HABP4: variants seen among roughly 807,000 people sequenced by gnomAD.
HABP4 encodes the protein hyaluronan binding protein 4.
HABP4 carries 32 observed loss-of-function variants against 44.1 expected under a neutral mutation model. That is an observed-to-expected ratio of 0.73 (90% CI 0.55 to 0.97). The LOEUF (loss-of-function observed/expected upper bound fraction) is 0.97. Among genes scored for constraint, HABP4 ranks in the 50% least tolerant of loss-of-function variants. The probability of loss-of-function intolerance (pLI) is 0.00; values close to 1 mark genes in which losing one functional copy is unlikely to be tolerated. For missense variants in HABP4, 503 were observed against 561.9 expected, an observed-to-expected ratio of 0.90 and a Z score of 1.06; for synonymous variants, 216 against 218.0, an observed-to-expected ratio of 0.99 and a Z score of 0.08.
chr9:96,470,851 C>T (rs1426748403), intron 4 of HABP4, among the ~76,000 whole-genome samples, 160 bp from the exon 5 acceptor site: 1 of 149,474 alleles, frequency 6.7e-6, no homozygotes, highest in African/African-American at 2.5e-5. Flanking sequence ...TCCGAGATTG[C>T]ACCACTGCAC....
intron 7 of HABP4, among the ~76,000 whole-genome samples, chr9:96,489,272 A>T (rs958882102): frequency 6.6e-6 from 1 of 152,120 alleles, no homozygotes; most frequent in East Asian, 1.9e-4. Flanking sequence ...CCTTTCCTAT[A>T]GCGGAGCTCT....
At chr9:96,486,647 T>C (rs539264535) in intron 6 of HABP4, among the ~76,000 whole-genome samples, 1 of 150,994 alleles carries the variant, frequency 6.6e-6, no homozygotes, top group Non-Finnish European at 1.5e-5. Context: ...TCTTGGAGGA[T>C]TGAAGATTTT....
At chr9:96,470,539 ATTTAAAT>A (rs1464203068) in intron 4 of HABP4, among the ~76,000 whole-genome samples, 1 of 152,168 alleles carries the variant, frequency 6.6e-6, no homozygotes, top group Non-Finnish European at 1.5e-5. Flanking sequence ...TTTAATACTT[ATTTAAAT>A]TGAAAAAGTC....
Position 96,450,352 on chromosome 9 carries a change from G to C in HABP4, c.73G>C (p.Ala25Pro). 7.9e-7 allele frequency: 1 copy of C among 1,266,594 alleles called. No homozygotes were observed. The highest frequency in any genetic ancestry group is 1.0e-6 in the Non-Finnish European group (1 of 975,322). 78.5% of individuals were successfully genotyped at this position (1,266,594 alleles called of 1,614,324 possible). Residue 25 changes from alanine (A) to proline (P), a missense_variant, in exon 1 of 8, where the codon GCC becomes CCC. Transcript: ENST00000375249. This position sits in a 1 kb window ranked among gnomAD's most constrained non-coding sequence, Gnocchi z 4.8. ...AMQESFGCVV[A>P]NRFHQLLDDE... is the part of the protein sequence containing the mutation. ...GCAGGAGAGTTTCGGCTGCGTGGTG[G>C]CCAACCGCTTCCATCAGCTGCTGGA...
chr9:96,487,816 CATA>C (rs772148889), intron 6 of HABP4, among the ~76,000 whole-genome samples: 23 of 152,224 alleles, frequency 1.5e-4, no homozygotes, highest in Non-Finnish European at 2.8e-4. Context: ...CACTTGAAAT[CATA>C]ATAAGTTCAA....
chr9:96,453,110 GAGAC>G (rs1328178214), intron 1 of HABP4, among the ~76,000 whole-genome samples: 1 of 37,710 alleles, frequency 2.7e-5, no homozygotes, highest in Non-Finnish European at 5.2e-5. Context: ...TTTTTTTTTT[GAGAC>G]AGAGTGCAGT....
chr9:96,477,571 T>C (rs899383591), intron 5 of HABP4, among the ~76,000 whole-genome samples: 1 of 152,222 alleles, frequency 6.6e-6, no homozygotes, highest in Non-Finnish European at 1.5e-5. Flanking sequence ...TTGATATCAT[T>C]AATTCCAAGA....
chr9:96,464,881 A>G (rs1242529486), intron 2 of HABP4, among the ~76,000 whole-genome samples: 3 of 152,228 alleles, frequency 2.0e-5, no homozygotes, highest in Admixed American at 1.3e-4. Context: ...TTTTTCTTAC[A>G]CAAAACATTC....
In HABP4 at chr9:96,452,911, GTTTTTTTTTTTT is replaced by G. The variant is rs71368266; in HGVS notation, c.349+2299_349+2310del. On this transcript the variant is annotated intron_variant, in intron 1 of 7. Coordinates refer to ENST00000375249, the MANE Select transcript of HABP4 (RefSeq NM_014282.4). ...TCACAAGCTTTTCCTATGGAAAAGG[GTTTTTTTTTTTT>G]TTTTTTTTTTTTTTTGAGACAGAGT... Among the ~76,000 whole-genome samples the G allele has an allele frequency of 4.7e-5, 3 of 63,184 alleles. No individual in the cohort carries two copies. The East Asian group carries it at 1.4e-3, about 29-fold the overall frequency. The allele number at this position is 63,184 out of a possible 152,430, so 41.5% of individuals were successfully genotyped here.
rs1352145361 is a variant in HABP4, at chr9:96,488,253, T to C, written c.1164T>C (p.Tyr388=). 4 of 1,613,220 alleles carry C rather than the reference T, an allele frequency of 2.5e-6. No homozygotes were observed. The highest frequency in any genetic ancestry group is 2.5e-6 in the Non-Finnish European group (3 of 1,179,590). ...GRGRIRRAEN[Y]GPRAEVVMQD... ...GAAGGATCAGGAGGGCAGAGAACTA[T>C]GGACCCAGAGCAGAAGTGGTGGTAG... is the stretch of plus-strand genomic sequence containing the variant. The change falls in exon 7 of 8, where the codon TAT becomes TAC. Residue 388 remains tyrosine (Y), a synonymous_variant. Coordinates refer to ENST00000375249, the MANE Select transcript of HABP4 (RefSeq NM_014282.4). This position sits in a 1 kb window ranked among gnomAD's most constrained non-coding sequence, Gnocchi z 4.6.
intron 6 of HABP4, among the ~76,000 whole-genome samples, chr9:96,487,166 A>G (rs1407005468): frequency 1.3e-5 from 2 of 149,004 alleles, no homozygotes; most frequent in Non-Finnish European, 3.0e-5. Flanking sequence ...TCATGAGCAT[A>G]TGGCCTAAAG....
At chr9:96,489,900 T>C (rs1328922930) in intron 7 of HABP4, 82 bp from the exon 8 acceptor site, 6 of 874,786 alleles carry the variant, frequency 6.9e-6, no homozygotes, top group Non-Finnish European at 9.9e-6. Flanking sequence ...TCAGCGTTGG[T>C]GCCAGGCCCT....
chr9:96,455,457 CAAAAAAAA>C (rs34929442), intron 1 of HABP4, among the ~76,000 whole-genome samples: 5 of 63,000 alleles, frequency 7.9e-5, no homozygotes, highest in African/African-American at 1.0e-4. Flanking sequence ...GAGACTGTCT[CAAAAAAAA>C]AAAAAAAAAA....
intron 1 of HABP4, among the ~76,000 whole-genome samples, chr9:96,452,544 CT>C: frequency 6.6e-6 from 1 of 151,846 alleles, no homozygotes; most frequent in Non-Finnish European, 1.5e-5. Flanking sequence ...GTTGTTAGGT[CT>C]AAGTGATCTG....
chr9:96,464,583 A>G (rs940097998), intron 2 of HABP4, among the ~76,000 whole-genome samples: 2 of 152,176 alleles, frequency 1.3e-5, no homozygotes, highest in Non-Finnish European at 2.9e-5. Flanking sequence ...GTTTTGTACC[A>G]TGTTTGGGTA....
At chr9:96,472,686 A>G (rs1362776137) in intron 5 of HABP4, among the ~76,000 whole-genome samples, 1 of 152,174 alleles carries the variant, frequency 6.6e-6, no homozygotes, top group Admixed American at 6.5e-5. Flanking sequence ...TCTTCCAGTC[A>G]GCATTTAAAC....
At chr9:96,475,390 C>CAAAAAAAAAAAAAAAAAA (rs61553823) in intron 5 of HABP4, among the ~76,000 whole-genome samples, 60 of 94,098 alleles carry the variant, frequency 6.4e-4, no homozygotes, top group African/African-American at 9.5e-4. Context: ...ACAACAACAA[C>CAAAAAAAAAAAAAAAAAA]AAAAAAAAAA....
intron 4 of HABP4, among the ~76,000 whole-genome samples, chr9:96,470,642 TAAC>T (rs1012878929): frequency 2.6e-5 from 4 of 151,916 alleles, no homozygotes; most frequent in African/African-American, 9.7e-5. Flanking sequence ...CAGCAGCTCG[TAAC>T]TGTAACCCCA....
At chr9:96,481,293 C>T (rs1832875506) in intron 5 of HABP4, among the ~76,000 whole-genome samples, 1 of 152,118 alleles carries the variant, frequency 6.6e-6, no homozygotes, top group African/African-American at 2.4e-5. Context: ...GGGGTTTCAC[C>T]ATGTTGGTCA....
Sources: allele counts gnomAD v4.1 joint callset (sites outside exome capture counted in the v4.1 genomes callset), GRCh38; gene constraint gnomAD v4.1.1; non-coding constraint Gnocchi (gnomAD v3.1); transcripts MANE v1.5; gene names NCBI Gene and HGNC (gene_info 2026-07-23, HGNC 2026-07-21).